Variants in BBS9 observed in about 807,000 individuals in gnomAD.
BBS9 encodes Bardet-Biedl syndrome 9.
BBS9 carries 89 observed loss-of-function variants against 117.7 expected under a neutral mutation model. The observed-to-expected ratio is 0.76, with a 90% CI of 0.64 to 0.90. The LOEUF (loss-of-function observed/expected upper bound fraction) is 0.90. Among genes scored for constraint, BBS9 ranks in the 40% least tolerant of loss-of-function variants. The probability of loss-of-function intolerance (pLI) is 0.00; values close to 1 mark genes in which losing one functional copy is unlikely to be tolerated. For synonymous variants in BBS9, 379 were observed against 370.9 expected (o/e 1.02, Z -0.25); for missense variants, 982 against 1,042.2 (o/e 0.94, Z 0.80).
At chr7:33,255,427 A>G (rs1453909129) in intron 5 of BBS9, among the ~76,000 whole-genome samples, 3 of 140,748 alleles carry the variant, frequency 2.1e-5, no homozygotes, top group African/African-American at 8.1e-5. Flanking sequence ...ACCATTGTGT[A>G]TTCTTGGCGC....
At chr7:33,594,041 A>G (rs1486655220) in intron 21 of BBS9, among the ~76,000 whole-genome samples, 1 of 152,152 alleles carries the variant, frequency 6.6e-6, no homozygotes, top group Non-Finnish European at 1.5e-5. Context: ...TTGTGGAAAC[A>G]TCTTAATACT....
At chr7:33,385,642 GT>G (rs1825866117) in intron 18 of BBS9, among the ~76,000 whole-genome samples, 1 of 152,038 alleles carries the variant, frequency 6.6e-6, no homozygotes, top group Non-Finnish European at 1.5e-5. Context: ...TAATTTTTTA[GT>G]GTATCAAGAA....
chr7:33,586,706 T>C (rs1860953037), intron 21 of BBS9, among the ~76,000 whole-genome samples: 1 of 152,110 alleles, frequency 6.6e-6, no homozygotes, highest in African/African-American at 2.4e-5. Context: ...TGGAGTACTA[T>C]GTAGCCATAA....
rs181845593 is a variant in BBS9 at position 33,146,207 on chromosome 7, T to G, written c.-11-35T>G. 2.3e-5 allele frequency: 32 copies of G among 1,384,062 alleles called. No individual in the cohort carries two copies. In the African/African-American group the frequency reaches 3.6e-4, roughly 15 times the overall value. The allele number at this position is 1,384,062 out of a possible 1,614,324, so 85.7% of individuals were successfully genotyped here. A position where few individuals can be genotyped will look rare whatever the true frequency, so the allele number is the denominator to read the frequency against. The stretch of plus-strand genomic sequence containing the variant: ...TTAAGACATAATTATTAGTTCATAG[T>G]GTGAAGTAGATTATTATAAATGTTT... On this transcript the variant is annotated intron_variant, in intron 1 of 22. Transcript: ENST00000242067.
chr7:33,621,514 CTA>C (rs1423877961), intron 21 of BBS9, among the ~76,000 whole-genome samples: 2 of 151,974 alleles, frequency 1.3e-5, no homozygotes, highest in African/African-American at 2.4e-5. Flanking sequence ...TTTAGAATGA[CTA>C]TGATCAAAAA....
At chr7:33,589,220 A>G (rs1266990057) in intron 21 of BBS9, among the ~76,000 whole-genome samples, 3 of 152,082 alleles carry the variant, frequency 2.0e-5, no homozygotes, top group Non-Finnish European at 4.4e-5. Flanking sequence ...CTATGAAAAA[A>G]TGTTGTGTTT....
intron 5 of BBS9, among the ~76,000 whole-genome samples, chr7:33,220,556 C>T (rs949785045): frequency 1.3e-5 from 2 of 152,166 alleles, no homozygotes; most frequent in Non-Finnish European, 2.9e-5. Context: ...AACATAAAGG[C>T]TACATTTAAG....
At chr7:33,467,560 C>CCA in intron 19 of BBS9, among the ~76,000 whole-genome samples, 1 of 67,608 alleles carries the variant, frequency 1.5e-5, no homozygotes, top group South Asian at 5.3e-4. Context: ...GCTGTGGGAA[C>CCA]CCCCCAACTC....
At chr7:33,555,401 G>A (rs1855138594) in intron 21 of BBS9, among the ~76,000 whole-genome samples, 1 of 152,174 alleles carries the variant, frequency 6.6e-6, no homozygotes, top group Admixed American at 6.5e-5. Context: ...AGCAAAGCAG[G>A]CTTGGTCTCT....
At chr7:33,555,033 A>C (rs1044198121) in intron 21 of BBS9, among the ~76,000 whole-genome samples, 1 of 152,156 alleles carries the variant, frequency 6.6e-6, no homozygotes, top group Non-Finnish European at 1.5e-5. Context: ...GATTCGTATA[A>C]ATTTGTAACA....
At chr7:33,480,287 A>C (rs979133568) in intron 19 of BBS9, among the ~76,000 whole-genome samples, 6 of 152,206 alleles carry the variant, frequency 3.9e-5, no homozygotes, top group Non-Finnish European at 7.3e-5. Flanking sequence ...GTAACAATAA[A>C]TTATTTATTT....
intron 19 of BBS9, among the ~76,000 whole-genome samples, chr7:33,404,822 T>C (rs2128801301): frequency 6.6e-6 from 1 of 152,272 alleles, no homozygotes; most frequent in South Asian, 2.1e-4. Context: ...TTTTCCTAAT[T>C]GAATACCCTT....
intron 5 of BBS9, among the ~76,000 whole-genome samples, chr7:33,189,922 A>G (rs34493378): frequency 0.15 from 22,722 of 148,830 alleles, 1,974 homozygotes; most frequent in South Asian, 0.23. Context: ...AGGTCTGGCT[A>G]TGTTGCCCAG....
intron 21 of BBS9, among the ~76,000 whole-genome samples, chr7:33,561,258 T>C (rs1449969339): frequency 6.6e-6 from 1 of 152,158 alleles, no homozygotes; most frequent in African/African-American, 2.4e-5. Flanking sequence ...TTGTCCAATA[T>C]TCTTCTCTCT....
chr7:33,442,040 C>T (rs780663722), intron 19 of BBS9, among the ~76,000 whole-genome samples: 5 of 151,972 alleles, frequency 3.3e-5, no homozygotes, highest in Admixed American at 6.5e-5. Context: ...TACAGGCACC[C>T]GCCACCATGC....
intron 5 of BBS9, among the ~76,000 whole-genome samples, chr7:33,223,320 T>G (rs181785646): frequency 0.012 from 1,762 of 147,560 alleles, 31 homozygotes; most frequent in African/African-American, 0.041. Context: ...ACATTTAAAA[T>G]AGACTCTGTT....
chr7:33,296,410 A>G (rs1322673424), intron 9 of BBS9, among the ~76,000 whole-genome samples: 3 of 152,186 alleles, frequency 2.0e-5, no homozygotes, highest in African/African-American at 7.2e-5. Context: ...CTTTAACACC[A>G]TTATTTTCTA....
At chr7:33,587,108 A>G (rs1280525117) in intron 21 of BBS9, among the ~76,000 whole-genome samples, 1 of 152,048 alleles carries the variant, frequency 6.6e-6, no homozygotes, top group Non-Finnish European at 1.5e-5. Context: ...TGTGAGACCC[A>G]GGGTCAGGTG....
intron 19 of BBS9, among the ~76,000 whole-genome samples, chr7:33,450,750 T>C (rs1370846082): frequency 6.6e-6 from 1 of 152,214 alleles, no homozygotes; most frequent in Non-Finnish European, 1.5e-5. Flanking sequence ...GTTGTAGGAA[T>C]TCTTTATATA....
Sources: allele counts gnomAD v4.1 joint callset (sites outside exome capture counted in the v4.1 genomes callset), GRCh38; gene constraint gnomAD v4.1.1; transcripts MANE v1.5; gene names NCBI Gene and HGNC (gene_info 2026-07-23, HGNC 2026-07-21).